ATP8A2: variants seen among roughly 807,000 people sequenced by gnomAD.
ATP8A2 encodes ATPase phospholipid transporting 8A2, also known as phospholipid-transporting ATPase IB.
ATP8A2 carries 100 observed loss-of-function variants against 165.6 expected under a neutral mutation model. The observed-to-expected ratio is 0.60, with a 90% CI of 0.51 to 0.71. The LOEUF is 0.71. Ranked by LOEUF, ATP8A2 falls within the 30% of genes least tolerant of loss-of-function variation. The pLI, the probability that ATP8A2 is intolerant of heterozygous loss-of-function variation, is 0.00. For synonymous variants in ATP8A2, 543 were observed against 548.8 expected (o/e 0.99, Z 0.15); for missense variants, 1,227 against 1,479.5 (o/e 0.83, Z 2.80).
intron 35 of ATP8A2, among the ~76,000 whole-genome samples, chr13:25,989,576 T>G (rs1020170364): frequency 6.6e-6 from 1 of 152,224 alleles, no homozygotes; most frequent in African/African-American, 2.4e-5. Flanking sequence ...TTTGGGAAAT[T>G]ATATTCCAGC....
intron 33 of ATP8A2, among the ~76,000 whole-genome samples, chr13:25,905,242 T>TA (rs1455048804): frequency 6.6e-6 from 1 of 152,150 alleles, no homozygotes; most frequent in African/African-American, 2.4e-5. Flanking sequence ...GTACTTTACT[T>TA]ACTTAAAAAA....
chr13:25,497,962 AAATAAT>A (rs532053837), intron 2 of ATP8A2, among the ~76,000 whole-genome samples: 12 of 151,442 alleles, frequency 7.9e-5, no homozygotes, highest in African/African-American at 1.7e-4. Context: ...ATTCCGTCTC[AAATAAT>A]AATAATAATA....
At chr13:25,654,020 C>G (rs896876502) in intron 24 of ATP8A2, among the ~76,000 whole-genome samples, 9 of 152,106 alleles carry the variant, frequency 5.9e-5, no homozygotes, top group Non-Finnish European at 8.8e-5. Flanking sequence ...CATTTGCTTT[C>G]CTCCCTGTAC....
chr13:25,475,142 GTTA>G (rs1225899520), intron 2 of ATP8A2, among the ~76,000 whole-genome samples: 1 of 151,948 alleles, frequency 6.6e-6, no homozygotes, highest in Non-Finnish European at 1.5e-5. Context: ...GGCCTCAATA[GTTA>G]TTTTTTCTGC....
intron 1 of ATP8A2, among the ~76,000 whole-genome samples, chr13:25,398,500 G>T (rs755798258): frequency 1.3e-5 from 2 of 152,186 alleles, no homozygotes; most frequent in Non-Finnish European, 2.9e-5. Flanking sequence ...TTATTTTGGG[G>T]TTACAGCTTT....
chr13:25,631,273 G>A (rs766469282), intron 24 of ATP8A2, among the ~76,000 whole-genome samples: 2 of 152,124 alleles, frequency 1.3e-5, no homozygotes, highest in Non-Finnish European at 2.9e-5. Flanking sequence ...CTCACGTGTG[G>A]CTAGTGCAAC....
At chr13:25,583,828 C>CT (rs1185140513) in intron 23 of ATP8A2, among the ~76,000 whole-genome samples, 12 of 127,440 alleles carry the variant, frequency 9.4e-5, no homozygotes, top group Non-Finnish European at 1.5e-4. Flanking sequence ...TTATTTTGTA[C>CT]TTTTTTTCTA....
chr13:25,897,845 C>T (rs1274030879), intron 33 of ATP8A2, among the ~76,000 whole-genome samples: 2 of 152,222 alleles, frequency 1.3e-5, no homozygotes, highest in African/African-American at 2.4e-5. Context: ...GAGGCTTGTG[C>T]ATTCATCGCG....
intron 35 of ATP8A2, among the ~76,000 whole-genome samples, chr13:25,981,040 A>G (rs1480959802): frequency 6.6e-6 from 1 of 152,240 alleles, no homozygotes; most frequent in Non-Finnish European, 1.5e-5. Flanking sequence ...AAACGACAAA[A>G]ATTAGAAGTG....
intron 24 of ATP8A2, among the ~76,000 whole-genome samples, chr13:25,605,960 A>C (rs1015413802): frequency 6.6e-6 from 1 of 152,184 alleles, no homozygotes; most frequent in Non-Finnish European, 1.5e-5. Context: ...ACGTATGTAC[A>C]TATAAATCCA....
At chr13:25,567,623 T>A (rs2039354016) in intron 16 of ATP8A2, among the ~76,000 whole-genome samples, 1 of 152,124 alleles carries the variant, frequency 6.6e-6, no homozygotes, top group African/African-American at 2.4e-5. Flanking sequence ...TAATGAGGAA[T>A]TGATCGATTG....
At chr13:25,471,533 G>A (rs2035846557) in intron 2 of ATP8A2, among the ~76,000 whole-genome samples, 1 of 152,136 alleles carries the variant, frequency 6.6e-6, no homozygotes, top group Non-Finnish European at 1.5e-5. Context: ...AGTAGAGACG[G>A]GGCTTCGCCA....
At position 25,551,363 on chromosome 13, in the gene ATP8A2, GAT is replaced by G; in HGVS notation, c.918_919del (p.Arg306SerfsTer4). 1 of 1,614,050 alleles carries G rather than the reference GAT, an allele frequency of 6.2e-7. No individual in the cohort carries two copies. Among genetic ancestry groups the G allele is most frequent in the Non-Finnish European group, 8.5e-7 (1 of 1,179,982 alleles). On this transcript the variant is annotated frameshift_variant, in exon 11 of 37. Transcript: ENST00000381655. LOFTEE classifies it high-confidence loss of function. ...AATTCAACCAAAGCGCCTCTCAAGA[GAT>G]CAAATGTTGAGAAGGTGACTAACGT...
At chr13:26,015,729 A>G (rs1593719699) in intron 36 of ATP8A2, among the ~76,000 whole-genome samples, 1 of 152,232 alleles carries the variant, frequency 6.6e-6, no homozygotes, top group Non-Finnish European at 1.5e-5. Context: ...GTGGCTGTTT[A>G]AGAAAGCAGA....
chr13:25,510,174 AACACACACAC>A lies in ATP8A2; in HGVS notation c.222-19787_222-19778del, dbSNP rs57755000. ...CCTTTGTCTGTTCCCGTCTGTCTGT[AACACACACAC>A]ACACACACACACACACACACACACA... is the stretch of plus-strand genomic sequence containing the variant. On this transcript the variant is annotated intron_variant, in intron 2 of 36. Coordinates refer to ENST00000381655, the MANE Select transcript of ATP8A2 (RefSeq NM_016529.6). Among the ~76,000 whole-genome samples, 741 of 128,592 alleles carry A rather than the reference AACACACACAC, an allele frequency of 5.8e-3. 4 individuals are homozygous for A. The highest frequency in any genetic ancestry group is 0.019 in the African/African-American group (657 of 33,866). The allele number at this position is 128,592 out of a possible 152,430, so 84.4% of individuals were successfully genotyped here.
At chr13:25,932,760 G>A (rs1285588733) in intron 33 of ATP8A2, among the ~76,000 whole-genome samples, 1 of 152,200 alleles carries the variant, frequency 6.6e-6, no homozygotes, top group Non-Finnish European at 1.5e-5. Context: ...AGACCTGAAA[G>A]GAACCATAGT....
chr13:25,574,836 T>C lies in ATP8A2; in HGVS notation c.1691T>C (p.Leu564Pro). The stretch of plus-strand genomic sequence containing the variant: ...GGACAGGAACAAACATTCGGAATCC[T>C]TAATGTCCTGGAATTTTCTAGGTAT... ...AMGQEQTFGI[L>P]NVLEFSSDRK... The change falls in exon 19 of 37, where the codon CTT becomes CCT. Residue 564 changes from leucine to proline, a missense_variant. Coordinates refer to ENST00000381655, the MANE Select transcript of ATP8A2 (RefSeq NM_016529.6). 4 of 1,559,640 alleles carry C rather than the reference T, an allele frequency of 2.6e-6. No homozygotes were observed. Among genetic ancestry groups the C allele is most frequent in the Non-Finnish European group, 3.5e-6 (4 of 1,132,102 alleles).
chr13:25,576,185 A>G lies in ATP8A2; in HGVS notation c.1713-884A>G, dbSNP rs142729945. On this transcript the variant is annotated intron_variant, in intron 19 of 36. Transcript: ENST00000381655. ...GCAAATCCAGGTCAGCTAGAGCACT[A>G]TAGGTTAGGATGTGGGAATTTACCC... 1.4e-3 allele frequency among the ~76,000 whole-genome samples: 218 copies of G among 152,256 alleles called. 1 individual carries two copies. The highest frequency in any genetic ancestry group is 4.5e-3 in the African/African-American group (185 of 41,550).
At chr13:25,484,717 A>G (rs935045126) in intron 2 of ATP8A2, among the ~76,000 whole-genome samples, 3 of 151,890 alleles carry the variant, frequency 2.0e-5, no homozygotes, top group African/African-American at 4.8e-5. Context: ...GAATTTCACT[A>G]TGTTGGCCAG....
Sources: gnomAD v4.1 joint callset for allele counts (sites outside exome capture counted in the v4.1 genomes callset) on GRCh38, gnomAD v4.1.1 for gene constraint, MANE v1.5 for transcripts, NCBI Gene and HGNC (gene_info 2026-07-23, HGNC 2026-07-21) for gene names.